Variants in CDKAL1 observed in about 807,000 individuals in gnomAD.
CDKAL1 encodes threonylcarbamoyladenosine tRNA methylthiotransferase.
Under a neutral mutation model 68.2 loss-of-function variants are expected in CDKAL1, and 32 were observed. That is an observed-to-expected ratio of 0.47 (90% CI 0.35 to 0.63). CDKAL1 has a LOEUF of 0.63. Among genes scored for constraint, CDKAL1 ranks in the 30% least tolerant of loss-of-function variants. The pLI, the probability that CDKAL1 is intolerant of heterozygous loss-of-function variation, is 0.00. For missense variants in CDKAL1, 606 were observed against 696.7 expected, an observed-to-expected ratio of 0.87 and a Z score of 1.47; for synonymous variants, 234 against 244.3, an observed-to-expected ratio of 0.96 and a Z score of 0.39.
chr6:20,672,727 C>T (rs1262418935), intron 5 of CDKAL1, among the ~76,000 whole-genome samples: 1 of 152,078 alleles, frequency 6.6e-6, no homozygotes, highest in Non-Finnish European at 1.5e-5. Flanking sequence ...TTAGTATCAT[C>T]TGTGTAACTC....
At chr6:20,624,006 A>T (rs937294881) in intron 4 of CDKAL1, among the ~76,000 whole-genome samples, 1 of 152,056 alleles carries the variant, frequency 6.6e-6, no homozygotes, top group Non-Finnish European at 1.5e-5. Context: ...ATATTTTTTT[A>T]AAGGAGTATG....
intron 4 of CDKAL1, among the ~76,000 whole-genome samples, chr6:20,631,655 T>A (rs957258172): frequency 2.6e-5 from 4 of 152,218 alleles, no homozygotes; most frequent in Non-Finnish European, 5.9e-5. Context: ...AACCTCAGCT[T>A]GCCAGGTCCC....
chr6:21,007,181 G>A (rs1335438425), intron 11 of CDKAL1, among the ~76,000 whole-genome samples: 1 of 152,120 alleles, frequency 6.6e-6, no homozygotes, highest in African/African-American at 2.4e-5. Context: ...GCTCATGCCT[G>A]TAATCCCAGC....
intron 6 of CDKAL1, among the ~76,000 whole-genome samples, chr6:20,753,715 C>T (rs1774034922): frequency 2.0e-5 from 3 of 152,048 alleles, no homozygotes; most frequent in Admixed American, 2.0e-4. Flanking sequence ...CCAGTTTTTG[C>T]CTATTATGAA....
intron 11 of CDKAL1, among the ~76,000 whole-genome samples, chr6:21,014,795 A>T (rs1009983497): frequency 2.0e-5 from 3 of 152,232 alleles, no homozygotes; most frequent in Non-Finnish European, 2.9e-5. Context: ...TTTTTAAAAA[A>T]TGCATATCTC....
intron 15 of CDKAL1, among the ~76,000 whole-genome samples, chr6:21,211,049 G>A (rs1779130297): frequency 6.6e-6 from 1 of 152,242 alleles, no homozygotes; most frequent in Non-Finnish European, 1.5e-5. Context: ...GACAAAGGAG[G>A]TTGGAAAATC....
At chr6:21,019,557 C>T (rs908419948) in intron 11 of CDKAL1, among the ~76,000 whole-genome samples, 4 of 152,070 alleles carry the variant, frequency 2.6e-5, no homozygotes, top group Non-Finnish European at 5.9e-5. Flanking sequence ...TTAGTGGTGT[C>T]GTCTGTGATT....
At chr6:21,062,937 C>G (rs150395758) in intron 11 of CDKAL1, among the ~76,000 whole-genome samples, 2 of 151,786 alleles carry the variant, frequency 1.3e-5, no homozygotes, top group African/African-American at 4.8e-5. Context: ...TTTTTTGAGA[C>G]GAAGTCTTGT....
At chr6:20,778,508 A>G (rs1196468529) in intron 7 of CDKAL1, among the ~76,000 whole-genome samples, 3 of 152,224 alleles carry the variant, frequency 2.0e-5, no homozygotes, top group Non-Finnish European at 4.4e-5. Context: ...CAATGGGTGT[A>G]TGTATGGAAA....
chr6:21,020,014 GTTTAAAAGTCCT>G (rs1768555319), intron 11 of CDKAL1, among the ~76,000 whole-genome samples: 1 of 151,828 alleles, frequency 6.6e-6, no homozygotes, highest in African/African-American at 2.4e-5. Flanking sequence ...AAATGATACT[GTTTAAAAGTCCT>G]AGAAGCTGTG....
At chr6:20,576,221 T>A (rs1256493803) in intron 4 of CDKAL1, among the ~76,000 whole-genome samples, 3 of 152,230 alleles carry the variant, frequency 2.0e-5, no homozygotes, top group Non-Finnish European at 4.4e-5. Flanking sequence ...ACACAGTTAC[T>A]CCAGTCATGA....
chr6:20,702,272 G>C (rs935012223), intron 5 of CDKAL1, among the ~76,000 whole-genome samples: 7 of 152,152 alleles, frequency 4.6e-5, no homozygotes, highest in Non-Finnish European at 8.8e-5. Flanking sequence ...TCTAAGGGTG[G>C]ATGCTTACAG....
intron 4 of CDKAL1, among the ~76,000 whole-genome samples, chr6:20,627,063 T>G (rs1293075214): frequency 1.3e-5 from 2 of 152,200 alleles, no homozygotes; most frequent in Non-Finnish European, 2.9e-5. Context: ...TATATCCTTC[T>G]TATGAATACA....
chr6:21,073,841 TTTTGTTTATTA>T (rs1562008974), intron 12 of CDKAL1, among the ~76,000 whole-genome samples: 5 of 138,860 alleles, frequency 3.6e-5, no homozygotes. Flanking sequence ...TGTTTATTTA[TTTTGTTTATTA>T]TTTTGTTTAT....
Position 21,230,841 on chromosome 6 carries a change from T to C in CDKAL1, c.1549-7T>C. ...AATAATTTTTTCCTCTGTTTCTCTCTTTATAGGACTTCAGAAATGGGCTTG... is the reference window on the plus strand; with the variant it reads ...AATAATTTTTTCCTCTGTTTCTCTCCTTATAGGACTTCAGAAATGGGCTTG... On this transcript the variant is annotated splice_polypyrimidine_tract_variant and splice_region_variant and intron_variant, in intron 15 of 15. Coordinates refer to ENST00000274695, the MANE Select transcript of CDKAL1 (RefSeq NM_017774.3). The C allele has an allele frequency of 1.3e-6, 2 of 1,592,458 alleles. No individual in the cohort carries two copies. The highest frequency in any genetic ancestry group is 2.3e-5 in the South Asian group (2 of 88,550).
At chr6:21,220,734 G>A (rs1779511576) in intron 15 of CDKAL1, among the ~76,000 whole-genome samples, 1 of 152,230 alleles carries the variant, frequency 6.6e-6, no homozygotes, top group African/African-American at 2.4e-5. Flanking sequence ...GAAGCCCACA[G>A]CTGGAGTGTC....
At chr6:21,081,994 A>G (rs1198119606) in intron 12 of CDKAL1, among the ~76,000 whole-genome samples, 1 of 144,330 alleles carries the variant, frequency 6.9e-6, no homozygotes, top group African/African-American at 2.5e-5. Context: ...TATAAGAGCT[A>G]TGTATAATGT....
chr6:20,968,151 T>TG (rs1380874130), intron 10 of CDKAL1, among the ~76,000 whole-genome samples: 1 of 150,368 alleles, frequency 6.7e-6, no homozygotes, highest in African/African-American at 2.4e-5. Flanking sequence ...TTTTTTGTTC[T>TG]GGGTTTTTTT....
intron 5 of CDKAL1, among the ~76,000 whole-genome samples, chr6:20,700,768 C>G (rs1771314400): frequency 6.6e-6 from 1 of 152,138 alleles, no homozygotes; most frequent in African/African-American, 2.4e-5. Flanking sequence ...TCTTGTATGA[C>G]TTCAGGACCA....
Sources: gnomAD v4.1 joint callset for allele counts (sites outside exome capture counted in the v4.1 genomes callset) on GRCh38, gnomAD v4.1.1 for gene constraint, MANE v1.5 for transcripts, NCBI Gene and HGNC (gene_info 2026-07-23, HGNC 2026-07-21) for gene names.